The following KIRREL3 variants were observed in gnomAD, a reference collection of about 807,000 sequenced individuals.
KIRREL3 encodes the protein kin of IRRE-like protein 3.
In KIRREL3, 36 loss-of-function variants were observed where a neutral mutation model predicts 89.7. The observed-to-expected ratio is 0.40, with a 90% CI of 0.31 to 0.53. The LOEUF (loss-of-function observed/expected upper bound fraction) is 0.53, where lower values mean the gene tolerates loss of function less well. Ranked by LOEUF, KIRREL3 falls within the 20% of genes least tolerant of loss-of-function variation. The pLI is 0.49. For missense variants in KIRREL3, 864 were observed against 1,056.6 expected (o/e 0.82, Z 2.53); for synonymous variants, 445 against 441.4 (o/e 1.01, Z -0.10).
intron 1 of KIRREL3, among the ~76,000 whole-genome samples, chr11:126,929,612 A>G (rs1947855699): frequency 6.6e-6 from 1 of 152,174 alleles, no homozygotes; most frequent in African/African-American, 2.4e-5. Flanking sequence ...GAGGCCCCTG[A>G]CCCAGTTTTG....
intron 1 of KIRREL3, among the ~76,000 whole-genome samples, chr11:126,663,499 A>G (rs753823237): frequency 1.1e-4 from 17 of 152,142 alleles, no homozygotes; most frequent in Non-Finnish European, 2.5e-4. Context: ...TTGATAGTTT[A>G]TCTCCTGCAA....
rs983703931 is a variant in KIRREL3, at chr11:126,530,871, C to T, written c.134-4184G>A. Among the ~76,000 whole-genome samples the T allele has an allele frequency of 6.6e-6, 1 of 151,908 alleles. No homozygotes were observed. The highest frequency in any genetic ancestry group is 1.5e-5 in the Non-Finnish European group (1 of 67,998). ...TTTGAGACGGAGTCTGACTTTGTTG[C>T]CCAGGCTGGAGTGCAGTGGTGCGAT... is the stretch of plus-strand genomic sequence containing the variant. On this transcript the variant is annotated intron_variant, in intron 2 of 16. Coordinates refer to ENST00000525144, the MANE Select transcript of KIRREL3 (RefSeq NM_032531.4). The surrounding 1 kb of genome is among the most constrained non-coding windows in gnomAD (Gnocchi z 5.8).
At position 126,991,094 on chromosome 11, in the gene KIRREL3, C is replaced by T. The variant is rs771007145; in HGVS notation, c.55+9361G>A. On this transcript the variant is annotated intron_variant, in intron 1 of 16. Transcript: ENST00000525144. This position sits in a 1 kb window ranked among gnomAD's most constrained non-coding sequence, Gnocchi z 5.8. ...TGACATGCATTAAAGAACAGAAGGA[C>T]GCGATGGTTTCCTGTTGAAGCTGAG... Among the ~76,000 whole-genome samples the T allele has an allele frequency of 7.9e-5, 12 of 152,178 alleles. No homozygotes were observed. The highest frequency in any genetic ancestry group is 1.3e-4 in the Non-Finnish European group (9 of 68,046).
In KIRREL3 at chr11:126,490,128, T is replaced by G. The variant is rs932950726; in HGVS notation, c.434-16662A>C. ...CTCCCATGATGGGCATTCGTGTTTG[T>G]GGCCAGAGGCATACATAATCCAAAT... On this transcript the variant is annotated intron_variant, in intron 4 of 16. Transcript: ENST00000525144. The surrounding 1 kb of genome is among the most constrained non-coding windows in gnomAD (Gnocchi z 4.2). Among the ~76,000 whole-genome samples the G allele has an allele frequency of 6.7e-6, 1 of 148,678 alleles. No individual in the cohort carries two copies. The highest frequency in any genetic ancestry group is 2.5e-5 in the African/African-American group (1 of 40,394).
At position 126,997,751 on chromosome 11, in the gene KIRREL3, T is replaced by C. The variant is rs537507628; in HGVS notation, c.55+2704A>G. Among the ~76,000 whole-genome samples, 1 of 152,322 alleles carries C rather than the reference T, an allele frequency of 6.6e-6. No homozygotes were observed. The highest frequency in any genetic ancestry group is 1.9e-4 in the East Asian group (1 of 5,186). The stretch of plus-strand genomic sequence containing the variant: ...TCTCTCTGCACGGGGACCAAGATAC[T>C]GGGAGCATGGAGCTTGGGAATCTTG... On this transcript the variant is annotated intron_variant, in intron 1 of 16. Coordinates refer to ENST00000525144, the MANE Select transcript of KIRREL3 (RefSeq NM_032531.4). The surrounding 1 kb of genome is among the most constrained non-coding windows in gnomAD (Gnocchi z 4.3).
At position 126,755,855 on chromosome 11, in the gene KIRREL3, G is replaced by A. The variant is rs1486386786; in HGVS notation, c.56-192943C>T. On this transcript the variant is annotated intron_variant, in intron 1 of 16. Transcript: ENST00000525144. The surrounding 1 kb of genome is among the most constrained non-coding windows in gnomAD (Gnocchi z 4.3). ...AGAGAGAGAGAGAGAGAGAGAGAGA[G>A]GGAGAGAGGGAGAGAGAAAAAACAG... Among the ~76,000 whole-genome samples, 2 of 139,786 alleles carry A rather than the reference G, an allele frequency of 1.4e-5. No individual in the cohort carries two copies. The highest frequency in any genetic ancestry group is 5.7e-5 in the African/African-American group (2 of 35,200). 91.7% of individuals were successfully genotyped at this position (139,786 alleles called of 152,430 possible). A position where few individuals can be genotyped will look rare whatever the true frequency, so the allele number is the denominator to read the frequency against.
At chr11:126,735,528 C>T (rs537730599) in intron 1 of KIRREL3, among the ~76,000 whole-genome samples, 2 of 152,290 alleles carry the variant, frequency 1.3e-5, no homozygotes, top group Non-Finnish European at 2.9e-5. Flanking sequence ...TCTCATGGGG[C>T]AGCCCAGACC....
In KIRREL3 at chr11:126,437,369, C is replaced by T. The variant is rs530589186; in HGVS notation, c.1354-360G>A. Among the ~76,000 whole-genome samples, 4 of 149,120 alleles carry T rather than the reference C, an allele frequency of 2.7e-5. No individual in the cohort carries two copies. In the East Asian group the frequency reaches 7.7e-4, roughly 29 times the overall value. On this transcript the variant is annotated intron_variant, in intron 11 of 16. Transcript: ENST00000525144. ...ACACACCACAAATGTGTACACACAG[C>T]TCTGCACACACACAAGTGTGCACCC...
chr11:126,695,299 T>G (rs1453102120), intron 1 of KIRREL3, among the ~76,000 whole-genome samples: 1 of 151,766 alleles, frequency 6.6e-6, no homozygotes, highest in East Asian at 1.9e-4. Flanking sequence ...AAAGTTAGTG[T>G]TTGAGTTAGA....
At chr11:126,945,302 C>T (rs1040857629) in intron 1 of KIRREL3, among the ~76,000 whole-genome samples, 12 of 152,206 alleles carry the variant, frequency 7.9e-5, no homozygotes, top group African/African-American at 2.4e-4. Context: ...ATATCAGCAA[C>T]ATTCAGCCAC....
At chr11:126,646,414 C>A (rs1051066471) in intron 1 of KIRREL3, among the ~76,000 whole-genome samples, 1 of 151,750 alleles carries the variant, frequency 6.6e-6, no homozygotes, top group Non-Finnish European at 1.5e-5. Context: ...TGATTTAAAA[C>A]TCTTGTCTAA....
chr11:126,865,708 T>A (rs1944897355), intron 1 of KIRREL3, among the ~76,000 whole-genome samples: 2 of 152,216 alleles, frequency 1.3e-5, no homozygotes, highest in Admixed American at 1.3e-4. Flanking sequence ...TTTCTGTCTA[T>A]TTTGAATTTA....
intron 1 of KIRREL3, among the ~76,000 whole-genome samples, chr11:126,631,336 G>A (rs115000973): frequency 0.015 from 2,310 of 152,298 alleles, 68 homozygotes; most frequent in African/African-American, 0.052. Flanking sequence ...GCTGGCAAAT[G>A]TCGGAGCCAG....
chr11:126,774,867 T>C (rs531956135), intron 1 of KIRREL3, among the ~76,000 whole-genome samples: 14 of 152,250 alleles, frequency 9.2e-5, no homozygotes, highest in African/African-American at 3.4e-4. Flanking sequence ...TCATATTCCC[T>C]CAAGCTTCTA....
chr11:126,907,739 G>C (rs1287057539), intron 1 of KIRREL3, among the ~76,000 whole-genome samples: 3 of 152,076 alleles, frequency 2.0e-5, no homozygotes, highest in African/African-American at 7.2e-5. Flanking sequence ...TGACGAGATG[G>C]ACACGAAGTC....
intron 4 of KIRREL3, among the ~76,000 whole-genome samples, chr11:126,512,560 G>A (rs1958259011): frequency 6.6e-6 from 1 of 152,200 alleles, no homozygotes; most frequent in Non-Finnish European, 1.5e-5. Flanking sequence ...CCTCCTCCAG[G>A]CAGCTGCCCC....
chr11:126,733,503 C>T (rs1291653598), intron 1 of KIRREL3, among the ~76,000 whole-genome samples: 1 of 150,616 alleles, frequency 6.6e-6, no homozygotes, highest in African/African-American at 2.4e-5. Flanking sequence ...TGAGCTGTCA[C>T]TTGCTATAAA....
chr11:126,942,292 A>C (rs2135116922), intron 1 of KIRREL3, among the ~76,000 whole-genome samples: 1 of 152,294 alleles, frequency 6.6e-6, no homozygotes, highest in South Asian at 2.1e-4. Context: ...CCCTAGCATC[A>C]CGCCTGGCAC....
intron 1 of KIRREL3, among the ~76,000 whole-genome samples, chr11:126,806,039 G>A (rs1421694145): frequency 6.6e-6 from 1 of 152,204 alleles, no homozygotes; most frequent in Non-Finnish European, 1.5e-5. Flanking sequence ...TTAAATGCCT[G>A]AATAGTCACC....
Sources: allele counts gnomAD v4.1 joint callset (sites outside exome capture counted in the v4.1 genomes callset), GRCh38; gene constraint gnomAD v4.1.1; non-coding constraint Gnocchi (gnomAD v3.1); transcripts MANE v1.5; gene names NCBI Gene and HGNC (gene_info 2026-07-23, HGNC 2026-07-21).